The following ZNF185 variants were observed in gnomAD, a reference collection of about 807,000 sequenced individuals.
ZNF185 encodes zinc finger protein 185.
ZNF185 carries 56 observed loss-of-function variants against 58.6 expected under a neutral mutation model. The observed-to-expected ratio is 0.95, with a 90% confidence interval of 0.77 to 1.19. The LOEUF (loss-of-function observed/expected upper bound fraction) is 1.19, where lower values mean the gene tolerates loss of function less well. Among genes scored for constraint, ZNF185 ranks in the 50% most tolerant of loss-of-function variants. The pLI, the probability that ZNF185 is intolerant of heterozygous loss-of-function variation, is 0.00. For synonymous variants in ZNF185, 230 were observed against 215.9 expected, an observed-to-expected ratio of 1.07 and a Z score of -0.57; for missense variants, 627 against 573.5, an observed-to-expected ratio of 1.09 and a Z score of -0.95.
intron 16 of ZNF185, among the ~76,000 whole-genome samples, chrX:152,958,559 C>G (rs1379409652): frequency 9.1e-6 from 1 of 110,340 alleles, no homozygotes; most frequent in Non-Finnish European, 1.9e-5. Context: ...AGTTCACAAC[C>G]AGCCTGGCCA....
upstream of ZNF185, among the ~76,000 whole-genome samples, chrX:152,913,487 C>T (rs782758616): frequency 4.9e-4 from 55 of 112,643 alleles, no homozygotes; most frequent in Admixed American, 7.4e-4. Context: ...AGTGTGGCAC[C>T]GTCTGGGCAG....
chrX:152,926,477 C>G (rs1269952205), intron 11 of ZNF185, among the ~76,000 whole-genome samples: 3 of 112,678 alleles, frequency 2.7e-5, no homozygotes, highest in African/African-American at 9.7e-5. Context: ...GGAGGTATCC[C>G]CTCGCCCCAC....
intron 13 of ZNF185, among the ~76,000 whole-genome samples, chrX:152,932,325 GGAT>G (rs1942148650): frequency 8.9e-6 from 1 of 112,442 alleles, no homozygotes; most frequent in African/African-American, 3.2e-5. Context: ...CCATAGCGGT[GGAT>G]GATGAGTCCA....
intron 14 of ZNF185, chrX:152,936,482 C>G (rs903780681): frequency 1.7e-6 from 2 of 1,166,739 alleles, no homozygotes; most frequent in South Asian, 1.9e-5. Context: ...TGCCAACTCT[C>G]AGTCCTGCAA....
chrX:152,932,304 G>A (rs1291401144), intron 13 of ZNF185, among the ~76,000 whole-genome samples: 1 of 112,402 alleles, frequency 8.9e-6, no homozygotes, highest in Non-Finnish European at 1.9e-5. Flanking sequence ...GTCCAGGACG[G>A]GAAGTTGGAG....
intron 3 of ZNF185, among the ~76,000 whole-genome samples, chrX:152,916,312 CT>C (rs782308888): frequency 2.6e-4 from 29 of 111,268 alleles, no homozygotes; most frequent in African/African-American, 9.1e-4. Flanking sequence ...GACCCCTTGA[CT>C]CCTCCCCTAA....
chrX:152,940,260 A>G (rs2047023483), intron 15 of ZNF185, among the ~76,000 whole-genome samples: 1 of 110,962 alleles, frequency 9.0e-6, no homozygotes. Flanking sequence ...TCCTGAGAGC[A>G]TGTGCCCAGG....
intron 15 of ZNF185, among the ~76,000 whole-genome samples, chrX:152,939,151 G>T (rs1460336955): frequency 8.9e-6 from 1 of 112,017 alleles, no homozygotes; most frequent in Non-Finnish European, 1.9e-5. Flanking sequence ...GTGTTTAAAA[G>T]GTGAATGCAT....
At position 152,922,443 on chromosome X, in the gene ZNF185, G is replaced by A. The variant is rs186843769; in HGVS notation, c.740+187G>A. On this transcript the variant is annotated intron_variant, in intron 10 of 22. Transcript: ENST00000449285. ...TGGCTGGATGTCCCAGGGCTGAAAGGAGCAAAACAGTCCAGCCCCCCGGGA... is the reference window on the plus strand; with the variant it reads ...TGGCTGGATGTCCCAGGGCTGAAAGAAGCAAAACAGTCCAGCCCCCCGGGA... Among the ~76,000 whole-genome samples, 126 of 111,841 alleles carry A rather than the reference G, an allele frequency of 1.1e-3. 1 individual carries two copies. The highest frequency in any genetic ancestry group is 9.2e-3 in the Middle Eastern group (2 of 217).
At chrX:152,942,392 T>C (rs782464746) in intron 15 of ZNF185, among the ~76,000 whole-genome samples, 1 of 111,829 alleles carries the variant, frequency 8.9e-6, no homozygotes, top group South Asian at 3.7e-4. Context: ...ACTCATCTTC[T>C]CTGTGCCTCA....
intron 16 of ZNF185, among the ~76,000 whole-genome samples, chrX:152,955,321 C>A (rs1475469841): frequency 8.9e-6 from 1 of 111,905 alleles, no homozygotes; most frequent in African/African-American, 3.3e-5. Context: ...ATCACTATTA[C>A]CCTTGTAAAT....
At chrX:152,914,162 T>C (rs1393258213), upstream of ZNF185, among the ~76,000 whole-genome samples, 1 of 111,694 alleles carries the variant, frequency 9.0e-6, no homozygotes, top group Admixed American at 9.4e-5. Context: ...TGTTCTCCCG[T>C]TATCAGTGAT....
At chrX:152,917,451 A>G (rs1359802256) in intron 5 of ZNF185, 89 bp downstream of exon 6, 17 of 1,060,074 alleles carry the variant, frequency 1.6e-5, no homozygotes, top group Non-Finnish European at 2.2e-5. Context: ...TCTGCCTATC[A>G]GGACTGTGGG....
upstream of ZNF185, among the ~76,000 whole-genome samples, chrX:152,911,512 A>G (rs1556861456): frequency 9.0e-6 from 1 of 110,819 alleles, no homozygotes; most frequent in Non-Finnish European, 1.9e-5. Context: ...GGGACCAGGG[A>G]GGAGGTCTCA....
At chrX:152,965,600 C>T (rs2050028637) in intron 19 of ZNF185, 73 bp downstream of exon 21, 1 of 937,598 alleles carries the variant, frequency 1.1e-6, no homozygotes. Flanking sequence ...CCTGCATTTC[C>T]AGTTCCTTGT....
chrX:152,945,802 G>A (rs1569510708), intron 16 of ZNF185, among the ~76,000 whole-genome samples: 1 of 111,788 alleles, frequency 8.9e-6, no homozygotes, highest in South Asian at 3.7e-4. Context: ...GCAGAGTGAG[G>A]GCTATTTGTG....
intron 19 of ZNF185, among the ~76,000 whole-genome samples, chrX:152,966,843 C>T (rs1316550879): frequency 9.0e-6 from 1 of 111,209 alleles, no homozygotes; most frequent in Non-Finnish European, 1.9e-5. Context: ...TTCCCAGTAT[C>T]TGATTTCTGC....
At chrX:152,938,892 CAGGCGATCTCCTCTAA>C (rs1569506345) in intron 15 of ZNF185, among the ~76,000 whole-genome samples, 2 of 84,488 alleles carry the variant, frequency 2.4e-5, no homozygotes, top group Non-Finnish European at 4.6e-5. Context: ...AAAGGCAACT[CAGGCGATCTCCTCTAA>C]AGAGGAGAAG....
intron 16 of ZNF185, among the ~76,000 whole-genome samples, chrX:152,956,465 G>A (rs782622732): frequency 5.8e-4 from 65 of 111,715 alleles, no homozygotes; most frequent in Middle Eastern, 9.2e-3. Context: ...TTGGCCAAGC[G>A]CGGTGGCTTA....
Sources: gnomAD v4.1 joint callset for allele counts (sites outside exome capture counted in the v4.1 genomes callset) on GRCh38, gnomAD v4.1.1 for gene constraint, MANE v1.5 for transcripts, NCBI Gene and HGNC (gene_info 2026-07-23, HGNC 2026-07-21) for gene names.